MAP1B: variants seen among roughly 807,000 people sequenced by gnomAD.
The protein encoded by MAP1B is microtubule associated protein 1B.
MAP1B carries 12 observed loss-of-function variants against 176.1 expected under a neutral mutation model. The ratio of observed to expected loss-of-function variants is 0.07; its 90% CI spans 0.04 to 0.11. The LOEUF is 0.11. Ranked by LOEUF, MAP1B falls within the 10% of genes least tolerant of loss-of-function variation. MAP1B has a pLI of 1.00. For missense variants in MAP1B, 2,523 were observed against 2,990.5 expected (o/e 0.84, Z 3.65); for synonymous variants, 1,044 against 1,135.0 (o/e 0.92, Z 1.61).
intron 2 of MAP1B, among the ~76,000 whole-genome samples, chr5:72,165,719 T>C (rs186198753): frequency 6.6e-6 from 1 of 152,304 alleles, no homozygotes; most frequent in East Asian, 1.9e-4. Context: ...CAGTGCCATA[T>C]AACCATAAAC....
intron 2 of MAP1B, among the ~76,000 whole-genome samples, chr5:72,123,789 C>G (rs1401748230): frequency 6.6e-6 from 1 of 152,008 alleles, no homozygotes. Context: ...CGGCCTATGC[C>G]CAGCTAGTTT....
intron 5 of MAP1B, among the ~76,000 whole-genome samples, chr5:72,201,684 C>T (rs1420571855): frequency 6.6e-6 from 1 of 152,198 alleles, no homozygotes. Flanking sequence ...TAACATTGCC[C>T]TGATTTATTA....
At chr5:72,133,298 G>A (rs563747742) in intron 2 of MAP1B, among the ~76,000 whole-genome samples, 2 of 152,278 alleles carry the variant, frequency 1.3e-5, no homozygotes, top group South Asian at 4.1e-4. Context: ...AGGCTGTAAC[G>A]CAGAACAGCT....
At position 72,208,889 on chromosome 5, in the gene MAP1B, T is replaced by C. The variant is rs1398995416; in HGVS notation, c.*3650T>C. 4 of 151,858 alleles carry C rather than the reference T, an allele frequency of 2.6e-5. No homozygotes were observed. The highest frequency in any genetic ancestry group is 5.9e-5 in the Non-Finnish European group (4 of 68,008). The allele number at this position is 151,858 out of a possible 1,614,324, so 9.4% of individuals were successfully genotyped here. On this transcript the variant is annotated 3_prime_UTR_variant, in exon 7 of 7. Coordinates refer to ENST00000296755, the MANE Select transcript of MAP1B (RefSeq NM_005909.5). ...GTAATGATATTGTGAGTTAGGATAA[T>C]AACTTTTTTTTTTTGTGCTTCAGAT...
At chr5:72,134,099 CAT>C (rs1312927555) in intron 2 of MAP1B, among the ~76,000 whole-genome samples, 2 of 152,186 alleles carry the variant, frequency 1.3e-5, no homozygotes, top group East Asian at 1.9e-4. Flanking sequence ...TTAGTTTTCA[CAT>C]GTTTGTGAGT....
intron 2 of MAP1B, among the ~76,000 whole-genome samples, chr5:72,167,906 T>C (rs549239523): frequency 1.3e-5 from 2 of 152,348 alleles, no homozygotes; most frequent in East Asian, 3.9e-4. Context: ...ACGATGTAGA[T>C]AACACATTAA....
Position 72,195,938 on chromosome 5 carries a change from C to T in MAP1B, c.2583C>T (p.Ile861=), listed in dbSNP as rs377366563. The T allele has an allele frequency of 2.6e-5, 42 of 1,614,050 alleles. No individual in the cohort carries two copies. Among genetic ancestry groups the T allele is most frequent in the South Asian group, 1.2e-4 (11 of 91,082 alleles). ...TKDIKPQLEL[I]EDEEKLKETE... is the part of the protein sequence containing the mutation. ...ACATCAAGCCTCAGCTGGAGCTAAT[C>T]GAAGACGAAGAGAAACTGAAGGAAA... The change falls in exon 5 of 7, where the codon ATC becomes ATT. Residue 861 remains isoleucine, a synonymous_variant. Coordinates refer to ENST00000296755, the MANE Select transcript of MAP1B (RefSeq NM_005909.5).
chr5:72,201,048 T>C (rs1278689966), intron 5 of MAP1B, among the ~76,000 whole-genome samples: 1 of 152,104 alleles, frequency 6.6e-6, no homozygotes, highest in East Asian at 1.9e-4. Flanking sequence ...TAGTAGAGAC[T>C]CAATGCTATT....
intron 2 of MAP1B, among the ~76,000 whole-genome samples, chr5:72,173,579 T>TA (rs1246240048): frequency 6.6e-6 from 1 of 152,246 alleles, no homozygotes; most frequent in Non-Finnish European, 1.5e-5. Flanking sequence ...AAATAGCTGA[T>TA]ATCGGTAATC....
intron 2 of MAP1B, among the ~76,000 whole-genome samples, chr5:72,155,028 G>A (rs1254576089): frequency 1.3e-5 from 2 of 152,214 alleles, no homozygotes; most frequent in African/African-American, 4.8e-5. Context: ...CATATCCTGC[G>A]AAGGGAAGCC....
intron 2 of MAP1B, among the ~76,000 whole-genome samples, chr5:72,120,069 G>T (rs1745499377): frequency 6.6e-6 from 1 of 152,176 alleles, no homozygotes; most frequent in African/African-American, 2.4e-5. Flanking sequence ...CCCAGGGGTT[G>T]TAAGAAGTGC....
At chr5:72,175,229 G>C (rs544293160) in intron 2 of MAP1B, among the ~76,000 whole-genome samples, 2 of 151,620 alleles carry the variant, frequency 1.3e-5, no homozygotes, top group Admixed American at 6.6e-5. Flanking sequence ...CATGCCTGAC[G>C]AATTTTTGTA....
intron 2 of MAP1B, chr5:72,179,769 T>C: frequency 1.0e-6 from 1 of 985,438 alleles, no homozygotes; most frequent in African/African-American, 1.7e-5. Context: ...TAAAAAGGCT[T>C]TTGTTGAAGG....
intron 2 of MAP1B, among the ~76,000 whole-genome samples, chr5:72,119,379 T>C (rs1745486800): frequency 1.3e-5 from 2 of 152,260 alleles, no homozygotes; most frequent in Admixed American, 6.5e-5. Flanking sequence ...ACATCTAAGC[T>C]GGATCAAGTG....
In MAP1B at chr5:72,198,931, A is replaced by C. The variant is rs146030940; in HGVS notation, c.5576A>C (p.Asp1859Ala). 3.2e-5 allele frequency: 51 copies of C among 1,614,088 alleles called. No individual in the cohort carries two copies. Among genetic ancestry groups the C allele is most frequent in the Non-Finnish European group, 4.2e-5 (49 of 1,180,036 alleles). The change falls in exon 5 of 7, where the codon GAC (aspartate) becomes GCC (alanine). Residue 1859 changes from aspartate (D) to alanine (A), a missense_variant. This residue lies in a region of MAP1B where 1,925 missense variants were observed against 2,126.0 expected (regional missense o/e 0.91). Transcript: ENST00000296755. ...TTGTCCACACCTGGCCTGGAGAAGG[A>C]CAGTGGAGGGAAGACACCTGGTGAC... ...RDLSTPGLEK[D>A]SGGKTPGDFS...
At chr5:72,173,825 A>G (rs1746589648) in intron 2 of MAP1B, among the ~76,000 whole-genome samples, 1 of 152,206 alleles carries the variant, frequency 6.6e-6, no homozygotes, top group African/African-American at 2.4e-5. Context: ...AGTCCTGTGG[A>G]CTGGATTTAA....
intron 4 of MAP1B, among the ~76,000 whole-genome samples, chr5:72,192,789 T>C (rs1747051013): frequency 6.6e-6 from 1 of 152,238 alleles, no homozygotes; most frequent in South Asian, 2.1e-4. Context: ...TTGGAGTTGA[T>C]GGCATGATTC....
chr5:72,145,293 A>G (rs1746024441), intron 2 of MAP1B, among the ~76,000 whole-genome samples: 1 of 152,198 alleles, frequency 6.6e-6, no homozygotes, highest in African/African-American at 2.4e-5. Flanking sequence ...AAAAGAAAAT[A>G]CGAAACCTCA....
chr5:72,127,021 T>A (rs1384735120), intron 2 of MAP1B, among the ~76,000 whole-genome samples: 1 of 152,224 alleles, frequency 6.6e-6, no homozygotes, highest in African/African-American at 2.4e-5. Context: ...AATTTCCATG[T>A]TGGTATCTGG....
Sources: gnomAD v4.1 joint callset for allele counts (sites outside exome capture counted in the v4.1 genomes callset) on GRCh38, gnomAD v4.1.1 for gene constraint, gnomAD v4.1.1 regional missense constraint, MANE v1.5 for transcripts, NCBI Gene and HGNC (gene_info 2026-07-23, HGNC 2026-07-21) for gene names.